The following UAP1 variants were observed in gnomAD, a reference collection of about 807,000 sequenced individuals.
UAP1 encodes the protein UDP-N-acetylhexosamine pyrophosphorylase.
Under a neutral mutation model 58.5 loss-of-function variants are expected in UAP1, and 25 were observed. That is an observed-to-expected ratio of 0.43 (90% CI 0.31 to 0.60). The LOEUF is 0.60. UAP1 is among the 20% of genes least tolerant of loss of function. The pLI, the probability that UAP1 is intolerant of heterozygous loss-of-function variation, is 0.11. For synonymous variants in UAP1, 208 were observed against 213.0 expected (o/e 0.98, Z 0.21); for missense variants, 575 against 630.0 (o/e 0.91, Z 0.93).
chr1:162,566,179 C>G (rs1377723382), exon 2 of UAP1: 2 of 1,614,018 alleles, frequency 1.2e-6, no homozygotes, highest in East Asian at 2.2e-5. Flanking sequence ...ATGCAGAGCT[C>G]CAGGCCATGA....
At chr1:162,590,564 T>G in intron 8 of UAP1, 53 bp downstream of exon 8, 1 of 1,468,606 alleles carries the variant, frequency 6.8e-7, no homozygotes, top group Non-Finnish European at 9.2e-7. Flanking sequence ...ACTTTTCCTC[T>G]TGGACTTCTC....
chr1:162,562,818 G>A (rs1274850216), intron 1 of UAP1, among the ~76,000 whole-genome samples: 1 of 152,128 alleles, frequency 6.6e-6, no homozygotes, highest in Non-Finnish European at 1.5e-5. Flanking sequence ...CTCTGATACT[G>A]TTTTTCAAAA....
chr1:162,564,130 C>T (rs563582657), intron 1 of UAP1, among the ~76,000 whole-genome samples: 18 of 152,226 alleles, frequency 1.2e-4, no homozygotes, highest in African/African-American at 4.3e-4. Flanking sequence ...ATAATAGCAT[C>T]ATGACTCTTG....
chr1:162,579,979 C>T (rs1014521400), intron 4 of UAP1, among the ~76,000 whole-genome samples: 7 of 152,344 alleles, frequency 4.6e-5, no homozygotes, highest in Middle Eastern at 3.4e-3. Context: ...ATTCTCCTGC[C>T]TCAGCCTCCT....
intron 9 of UAP1, 200 bp from the exon 10 acceptor site, chr1:162,597,592 A>G: frequency 1.9e-6 from 1 of 514,824 alleles, no homozygotes; most frequent in Non-Finnish European, 3.4e-6. Context: ...CTTGCCCCAA[A>G]TAGTGTCCTT....
intron 8 of UAP1, 80 bp from the exon 9 acceptor site, chr1:162,592,652 A>T: frequency 9.7e-7 from 1 of 1,030,464 alleles, no homozygotes; most frequent in Non-Finnish European, 1.5e-6. Flanking sequence ...CCATTCAATC[A>T]AGTATATTTT....
At position 162,577,089 on chromosome 1, in the gene UAP1, A is replaced by T. The variant is rs927570549; in HGVS notation, c.485+108A>T. ...ACAGACATATTTCTTGTTACTGTTG[A>T]TTTTCTTGGGAGGTATAATTTACTA... is the stretch of plus-strand genomic sequence containing the variant. On this transcript the variant is annotated intron_variant, in intron 3 of 10. Coordinates refer to ENST00000271469, the Ensembl canonical transcript of UAP1. The T allele has an allele frequency of 6.4e-6, 7 of 1,096,924 alleles. No homozygotes were observed. In the Admixed American group the frequency reaches 1.2e-4, roughly 20 times the overall value. The allele number at this position is 1,096,924 out of a possible 1,614,324, so 67.9% of individuals were successfully genotyped here. A position where few individuals can be genotyped will look rare whatever the true frequency, so the allele number is the denominator to read the frequency against.
intron 2 of UAP1, among the ~76,000 whole-genome samples, chr1:162,575,548 C>A (rs1654125365): frequency 6.6e-6 from 1 of 151,594 alleles, no homozygotes; most frequent in African/African-American, 2.4e-5. Flanking sequence ...TCTCATGCCT[C>A]AGCCTCCTGA....
intron 2 of UAP1, among the ~76,000 whole-genome samples, chr1:162,572,286 T>C (rs1305428376): frequency 6.6e-6 from 1 of 152,218 alleles, no homozygotes; most frequent in Admixed American, 6.5e-5. Context: ...AGCAAAACTT[T>C]AAATGTGAAA....
At chr1:162,572,463 G>A (rs1225125736) in intron 2 of UAP1, among the ~76,000 whole-genome samples, 1 of 152,220 alleles carries the variant, frequency 6.6e-6, no homozygotes, top group East Asian at 1.9e-4. Flanking sequence ...CTCTGGGAGT[G>A]TAGCTTTTAC....
intron 6 of UAP1, among the ~76,000 whole-genome samples, chr1:162,588,381 G>GT (rs1655047765): frequency 6.6e-6 from 1 of 152,092 alleles, no homozygotes. Context: ...CTGTGTTACT[G>GT]TTTCATCCAT....
intron 6 of UAP1, chr1:162,587,968 AACTT>A: frequency 4.2e-6 from 1 of 235,402 alleles, no homozygotes; most frequent in Admixed American, 5.3e-5. Flanking sequence ...TAAGAAATGA[AACTT>A]TCTTTACCAC....
intron 1 of UAP1, among the ~76,000 whole-genome samples, chr1:162,562,278 TG>T (rs1401392018): frequency 1.6e-4 from 25 of 151,898 alleles, no homozygotes; most frequent in Admixed American, 5.3e-4. Flanking sequence ...GGAAGCGAGT[TG>T]GTGTGTCTTG....
intron 1 of UAP1, among the ~76,000 whole-genome samples, chr1:162,565,183 C>T (rs1398126720): frequency 6.6e-6 from 1 of 152,166 alleles, no homozygotes; most frequent in Non-Finnish European, 1.5e-5. Flanking sequence ...ACCCTTAACA[C>T]ATGGCTAGAT....
At position 162,587,342 on chromosome 1, in the gene UAP1, A is replaced by G. The variant is rs935234930; in HGVS notation, c.835-133A>G. On this transcript the variant is annotated intron_variant, in intron 5 of 10. Coordinates refer to ENST00000271469, the Ensembl canonical transcript of UAP1. Reference sequence around the variant, plus strand: ...TATAAAGATGGATAGTTGATTGTCTAAAGTTAAAGATTCTTCTTGGCTTTA... The same window carrying G: ...TATAAAGATGGATAGTTGATTGTCTGAAGTTAAAGATTCTTCTTGGCTTTA... 6 of 781,634 alleles carry G rather than the reference A, an allele frequency of 7.7e-6. No individual in the cohort carries two copies. In the Admixed American group the frequency reaches 1.7e-4, roughly 22 times the overall value. 48.4% of individuals were successfully genotyped at this position (781,634 alleles called of 1,614,324 possible). A position where few individuals can be genotyped will look rare whatever the true frequency, so the allele number is the denominator to read the frequency against.
rs76380307 is a variant in UAP1 at position 162,564,640 on chromosome 1, C to T, written c.-57-1372C>T. On this transcript the variant is annotated intron_variant, in intron 1 of 10. Coordinates refer to ENST00000271469, the Ensembl canonical transcript of UAP1. ...TGTCCCTCCTTACAATCTATTGTAT[C>T]CATTGCTCCTTTCTCTCATCTCTTT... 3.5e-3 allele frequency among the ~76,000 whole-genome samples: 532 copies of T among 152,304 alleles called. 3 individuals carry two copies. Among genetic ancestry groups the T allele is most frequent in the African/African-American group, 0.012 (483 of 41,560 alleles).
At chr1:162,572,976 C>T (rs1418309491) in intron 2 of UAP1, among the ~76,000 whole-genome samples, 1 of 152,140 alleles carries the variant, frequency 6.6e-6, no homozygotes, top group Non-Finnish European at 1.5e-5. Flanking sequence ...TATTTTAAAA[C>T]AATGCTTTGT....
chr1:162,599,586 A>T (rs1042722403), exon 11 of UAP1: 1 of 344,734 alleles, frequency 2.9e-6, no homozygotes, highest in Non-Finnish European at 5.2e-6. Flanking sequence ...TTATTTATAT[A>T]ATTTTTTCCA....
intron 2 of UAP1, among the ~76,000 whole-genome samples, chr1:162,569,872 G>A (rs886206807): frequency 6.6e-6 from 1 of 152,022 alleles, no homozygotes; most frequent in South Asian, 2.1e-4. Flanking sequence ...TAATACAGCC[G>A]GGCATGGTGG....
Sources: allele counts gnomAD v4.1 joint callset (sites outside exome capture counted in the v4.1 genomes callset), GRCh38; gene constraint gnomAD v4.1.1; transcripts MANE v1.5; gene names NCBI Gene and HGNC (gene_info 2026-07-23, HGNC 2026-07-21).